Variants in CHN1 observed in about 807,000 individuals in gnomAD.
CHN1 encodes the protein chimerin 1, also known as N-chimaerin.
A neutral mutation model predicts 59.5 loss-of-function variants in CHN1; 37 were observed. The ratio of observed to expected loss-of-function variants is 0.62; its 90% CI spans 0.48 to 0.82. The LOEUF (loss-of-function observed/expected upper bound fraction) is 0.82. CHN1 is among the 40% of genes least tolerant of loss of function. The pLI is 0.00. For missense variants in CHN1, 469 were observed against 571.0 expected (o/e 0.82, Z 1.82); for synonymous variants, 206 against 200.4 (o/e 1.03, Z -0.24).
rs567894248 is a variant in CHN1 at position 174,984,642 on chromosome 2, C to G, written c.19+20252G>C. ...TTGGCCTCCCAAAGTCCTGGGATTACAGGCGTGAGCCACTGTGCCTGGCTG... is the reference window on the plus strand; with the variant it reads ...TTGGCCTCCCAAAGTCCTGGGATTAGAGGCGTGAGCCACTGTGCCTGGCTG... On this transcript the variant is annotated intron_variant, in intron 1 of 12. Transcript: ENST00000409900. Among the ~76,000 whole-genome samples the G allele has an allele frequency of 1.7e-3, 266 of 152,310 alleles. 1 individual carries two copies. The highest frequency in any genetic ancestry group is 3.1e-3 in the Admixed American group (48 of 15,294).
At chr2:174,895,072 A>C (rs1321874597) in intron 5 of CHN1, among the ~76,000 whole-genome samples, 2 of 147,482 alleles carry the variant, frequency 1.4e-5, no homozygotes, top group Non-Finnish European at 3.0e-5. Flanking sequence ...CACACACACA[A>C]AGGGTTTAGT....
At chr2:174,998,421 C>T (rs1358008948) in intron 1 of CHN1, among the ~76,000 whole-genome samples, 2 of 151,396 alleles carry the variant, frequency 1.3e-5, no homozygotes, top group Non-Finnish European at 2.9e-5. Context: ...GCCTCAGACT[C>T]ATTCAGTTTT....
rs182784902 is a variant in CHN1 at position 174,798,932 on chromosome 2, G to A, written c.*1184C>T. On this transcript the variant is annotated 3_prime_UTR_variant, in exon 13 of 13. Transcript: ENST00000409900. Reference sequence around the variant, plus strand: ...GGGTTGTTGGCTCCAAGCCACACAGGTGGCCAGTGGTAGTACCAGGCCCAG... The same window carrying A: ...GGGTTGTTGGCTCCAAGCCACACAGATGGCCAGTGGTAGTACCAGGCCCAG... 4.6e-4 allele frequency among the ~76,000 whole-genome samples: 70 copies of A among 152,356 alleles called. No homozygotes were observed. Among genetic ancestry groups the A allele is most frequent in the African/African-American group, 1.7e-3 (69 of 41,588 alleles).
chr2:174,915,140 C>T lies in CHN1; in HGVS notation c.178G>A (p.Asp60Asn), dbSNP rs557351535. 5.5e-5 allele frequency: 88 copies of T among 1,611,520 alleles called. No homozygotes were observed. The South Asian group carries it at 9.0e-4, about 16-fold the overall frequency. Reference protein sequence around the residue: ...FHGMISREAADQLLIVAEGSY... With the variant: ...FHGMISREAANQLLIVAEGSY... ...CCCTCAGCCACAATCAAGAGCTGGT[C>T]GGCTGCTTCTCTGGAGATCATGCCA... The change falls in exon 5 of 13, where the codon GAC becomes AAC. Residue 60 changes from aspartate (D) to asparagine (N), a missense_variant. By Grantham distance (23) the Asp-to-Asn change is conservative. This residue lies in a region of CHN1 where 152 missense variants were observed against 166.1 expected (regional missense o/e 0.92). Transcript: ENST00000409900.
chr2:174,905,067 A>G (rs1428462939), intron 5 of CHN1, among the ~76,000 whole-genome samples: 2 of 152,220 alleles, frequency 1.3e-5, no homozygotes, highest in Non-Finnish European at 2.9e-5. Context: ...CTGGAAGAGT[A>G]AAGATTTGGA....
intron 1 of CHN1, among the ~76,000 whole-genome samples, chr2:174,969,221 C>T (rs999523076): frequency 3.9e-5 from 6 of 152,190 alleles, no homozygotes; most frequent in Non-Finnish European, 7.4e-5. Flanking sequence ...GCTGCGTTCT[C>T]TCCAATGACT....
intron 6 of CHN1, among the ~76,000 whole-genome samples, chr2:174,857,687 C>G (rs915065361): frequency 1.3e-5 from 2 of 152,136 alleles, no homozygotes; most frequent in African/African-American, 4.8e-5. Flanking sequence ...ATCTTCCCCC[C>G]AACCCCCATG....
At chr2:174,809,688 C>A (rs1245879497) in intron 10 of CHN1, among the ~76,000 whole-genome samples, 1 of 152,116 alleles carries the variant, frequency 6.6e-6, no homozygotes, top group Non-Finnish European at 1.5e-5. Flanking sequence ...GTAAACAAAT[C>A]CTGGAATCTG....
intron 5 of CHN1, among the ~76,000 whole-genome samples, chr2:174,891,872 C>T (rs1688064173): frequency 6.6e-6 from 1 of 151,716 alleles, no homozygotes; most frequent in African/African-American, 2.4e-5. Context: ...AATTGACAAG[C>T]CATTAAGAAA....
chr2:174,838,553 A>C (rs1170493524), intron 7 of CHN1, among the ~76,000 whole-genome samples: 1 of 152,204 alleles, frequency 6.6e-6, no homozygotes, highest in African/African-American at 2.4e-5. Flanking sequence ...TTACAAAATA[A>C]GCAAAAGAGA....
chr2:174,814,614 A>C (rs752124473), intron 8 of CHN1, among the ~76,000 whole-genome samples: 16 of 152,212 alleles, frequency 1.1e-4, no homozygotes, highest in Non-Finnish European at 1.9e-4. Flanking sequence ...GTGAGGCTTC[A>C]ATGTTAATAT....
chr2:174,843,960 TTCTC>T (rs558874976), intron 7 of CHN1, among the ~76,000 whole-genome samples: 264 of 131,950 alleles, frequency 2.0e-3, no homozygotes, highest in Non-Finnish European at 2.8e-3. Context: ...GTTTGTTTTG[TTCTC>T]TCTCTTTCTC....
chr2:174,927,322 C>T (rs900527336), intron 3 of CHN1, among the ~76,000 whole-genome samples: 1 of 152,044 alleles, frequency 6.6e-6, no homozygotes, highest in Non-Finnish European at 1.5e-5. Flanking sequence ...CCTCCCAAAG[C>T]GTTATGATTA....
intron 5 of CHN1, among the ~76,000 whole-genome samples, chr2:174,884,631 G>T (rs1687838108): frequency 6.6e-6 from 1 of 152,116 alleles, no homozygotes; most frequent in South Asian, 2.1e-4. Context: ...GACAATGTGT[G>T]TGATTATATG....
chr2:174,916,447 C>T (rs541695738), intron 4 of CHN1, among the ~76,000 whole-genome samples: 195 of 152,292 alleles, frequency 1.3e-3, no homozygotes, highest in Non-Finnish European at 2.2e-3. Flanking sequence ...TCTTTCCTCC[C>T]CTACAATAAC....
chr2:174,915,319 A>G, intron 4 of CHN1, 148 bp from the exon 5 acceptor site: 2 of 657,278 alleles, frequency 3.0e-6, no homozygotes, highest in Non-Finnish European at 5.3e-6. Context: ...GGGTTTAACT[A>G]TGCTTGTGTT....
rs574235911 is a variant in CHN1 at position 174,924,827 on chromosome 2, CTTCT to C, written c.115-6266_115-6263del. 4.8e-3 allele frequency among the ~76,000 whole-genome samples: 737 copies of C among 152,240 alleles called. 5 individuals carry two copies. Among genetic ancestry groups the C allele is most frequent in the African/African-American group, 0.016 (659 of 41,548 alleles). On this transcript the variant is annotated intron_variant, in intron 3 of 12. Transcript: ENST00000409900. ...TTATGCTTACACAAACATTTATATGCTTCTTTCTAAGTTTTATAAATTAATAATA... is the reference window on the plus strand; with the variant it reads ...TTATGCTTACACAAACATTTATATGCTTCTAAGTTTTATAAATTAATAATA...
At chr2:174,801,657 C>A in intron 12 of CHN1, 50 bp downstream of exon 12, 1 of 1,318,238 alleles carries the variant, frequency 7.6e-7, no homozygotes, top group South Asian at 1.3e-5. Context: ...TCATTTTGTC[C>A]TTAAAATTTG....
At chr2:174,941,546 C>A (rs1326385983) in intron 3 of CHN1, among the ~76,000 whole-genome samples, 1 of 152,112 alleles carries the variant, frequency 6.6e-6, no homozygotes, top group Non-Finnish European at 1.5e-5. Context: ...TCCTATATTA[C>A]AAACAAAATA....
Sources: allele counts gnomAD v4.1 joint callset (sites outside exome capture counted in the v4.1 genomes callset), GRCh38; gene constraint gnomAD v4.1.1; regional missense constraint gnomAD v4.1.1; transcripts MANE v1.5; gene names NCBI Gene and HGNC (gene_info 2026-07-23, HGNC 2026-07-21).